The following TEDC2 variants were observed in gnomAD, a reference collection of about 807,000 sequenced individuals.
The protein encoded by TEDC2 is tubulin epsilon and delta complex 2, also known as tubulin epsilon and delta complex protein 2.
TEDC2 carries 49 observed loss-of-function variants against 48.1 expected under a neutral mutation model. The observed-to-expected ratio is 1.02, with a 90% CI of 0.81 to 1.29. The LOEUF is 1.29. TEDC2 is among the 50% of genes most tolerant of loss of function. The pLI is 0.00. For synonymous variants in TEDC2, 299 were observed against 247.1 expected, an observed-to-expected ratio of 1.21 and a Z score of -1.97; for missense variants, 631 against 571.4, an observed-to-expected ratio of 1.10 and a Z score of -1.06.
At chr16:2,462,563 G>A in intron 7 of TEDC2, 37 bp downstream of exon 7, 1 of 1,567,526 alleles carries the variant, frequency 6.4e-7, no homozygotes. Flanking sequence ...GAGGAGTGTG[G>A]AGGGCCAGTG....
At chr16:2,461,408 C>A in intron 4 of TEDC2, 184 bp downstream of exon 4, 5 of 839,456 alleles carry the variant, frequency 6.0e-6, no homozygotes, top group Middle Eastern at 3.7e-4. Flanking sequence ...CAGGTTGGCA[C>A]CATCAGGTCA....
intron 8 of TEDC2, 69 bp from the exon 9 acceptor site, chr16:2,463,970 G>A (rs2065483131): frequency 2.0e-6 from 3 of 1,518,546 alleles, no homozygotes; most frequent in Non-Finnish European, 2.7e-6. Context: ...GGGAGGGCCA[G>A]GCACACAGGA....
Position 2,460,994 on chromosome 16 carries a change from C to A in TEDC2, c.375C>A (p.Ser125=). The A allele has an allele frequency of 6.2e-7, 1 of 1,613,296 alleles. No homozygotes were observed. The highest frequency in any genetic ancestry group is 8.5e-7 in the Non-Finnish European group (1 of 1,179,988). Residue 125 remains serine, a synonymous_variant, in exon 4 of 10, where the codon TCC becomes TCA. Transcript: ENST00000361837. Reference sequence around the variant, plus strand: ...CGACAGCCTCCGCCCCACCGCATTCCCCAGGCCAAGCTGGTGGCCATGCTT... The same window carrying A: ...CGACAGCCTCCGCCCCACCGCATTCACCAGGCCAAGCTGGTGGCCATGCTT... ...SGTTASAPPH[S]PGQAGGHASD...
chr16:2,463,042 C>G (rs1004908342), intron 8 of TEDC2, among the ~76,000 whole-genome samples: 6 of 152,254 alleles, frequency 3.9e-5, no homozygotes, highest in Admixed American at 3.9e-4. Flanking sequence ...CATGTGAGGG[C>G]CGGGCGCGGT....
Position 2,461,663 on chromosome 16 carries a change from C to T in TEDC2, c.606-84C>T. 9 of 1,540,418 alleles carry T rather than the reference C, an allele frequency of 5.8e-6. No homozygotes were observed. In the South Asian group the frequency reaches 7.9e-5, roughly 13 times the overall value. ...GTGGGAGAGGGGCAAGAAGCCTCAT[C>T]CCTGATTGGGCTCTGAGCAGGAAGT... On this transcript the variant is annotated intron_variant, in intron 4 of 9. Transcript: ENST00000361837.
rs1308869369 is a variant in TEDC2, at chr16:2,461,145, G to A, written c.526G>A (p.Gly176Arg). The A allele has an allele frequency of 1.3e-6, 2 of 1,540,380 alleles. No individual in the cohort carries two copies. Among genetic ancestry groups the A allele is most frequent in the African/African-American group, 2.8e-5 (2 of 72,666 alleles). Residue 176 changes from glycine (G) to arginine (R), a missense_variant, in exon 4 of 10, where the codon GGG becomes AGG. By Grantham distance (125) the Gly-to-Arg change is moderately radical. Transcript: ENST00000361837. ...GATGGGAGCCCGAACCCCCAGGCCT[G>A]GGGCGGGCCTCAGGGACCAGCAAAT... ...VGMGARTPRPGAGLRDQQMAP... is the reference protein window; with the variant it reads ...VGMGARTPRPRAGLRDQQMAP...
In TEDC2 at chr16:2,460,806, G is replaced by C; in HGVS notation, c.197-10G>C. 1 of 1,610,574 alleles carries C rather than the reference G, an allele frequency of 6.2e-7. No homozygotes were observed. Among genetic ancestry groups the C allele is most frequent in the Non-Finnish European group, 8.5e-7 (1 of 1,178,270 alleles). The stretch of plus-strand genomic sequence containing the variant: ...GGGAGAGATCCCTGCATAATTCTTG[G>C]CTTTCACAGCATGCACACCCAGTCC... On this transcript the variant is annotated splice_polypyrimidine_tract_variant and intron_variant, in intron 3 of 9. Coordinates refer to ENST00000361837, the MANE Select transcript of TEDC2 (RefSeq NM_025108.3).
chr16:2,460,796 A>G lies in TEDC2; in HGVS notation c.197-20A>G. On this transcript the variant is annotated intron_variant, in intron 3 of 9. Transcript: ENST00000361837. ...GGGGACAGTGGGGAGAGATCCCTGC[A>G]TAATTCTTGGCTTTCACAGCATGCA... 2 of 1,610,698 alleles carry G rather than the reference A, an allele frequency of 1.2e-6. No individual in the cohort carries two copies. The highest frequency in any genetic ancestry group is 8.5e-7 in the Non-Finnish European group (1 of 1,178,396).
Position 2,460,813 on chromosome 16 carries a change from C to A in TEDC2, c.197-3C>A, listed in dbSNP as rs751259646. The A allele has an allele frequency of 6.2e-7, 1 of 1,610,766 alleles. No homozygotes were observed. Among genetic ancestry groups the A allele is most frequent in the Non-Finnish European group, 8.5e-7 (1 of 1,178,332 alleles). ...ATCCCTGCATAATTCTTGGCTTTCA[C>A]AGCATGCACACCCAGTCCACAAGAC... is the stretch of plus-strand genomic sequence containing the variant. On this transcript the variant is annotated splice_polypyrimidine_tract_variant and splice_region_variant and intron_variant, in intron 3 of 9. Transcript: ENST00000361837.
intron 9 of TEDC2, 86 bp downstream of exon 9, chr16:2,464,315 A>G (rs1371022932): frequency 2.0e-6 from 3 of 1,483,778 alleles, no homozygotes; most frequent in Non-Finnish European, 1.8e-6. Context: ...TCCACCCCCC[A>G]GGACCCAGGA....
chr16:2,460,153 G>A lies in TEDC2; in HGVS notation c.9G>A (p.Pro3=), dbSNP rs186033526. 3.0e-6 allele frequency: 4 copies of A among 1,350,186 alleles called. No individual in the cohort carries two copies. The highest frequency in any genetic ancestry group is 1.9e-5 in the South Asian group (1 of 53,798). 83.6% of individuals were successfully genotyped at this position (1,350,186 alleles called of 1,614,324 possible). Residue 3 remains proline, a synonymous_variant, in exon 1 of 10, where the codon CCG becomes CCA. Transcript: ENST00000361837. ML[P]AGCSRRLVAE... Reference sequence around the variant, plus strand: ...GAGACGCCGCCGCCTTCATGCTGCCGGCGGGCTGCTCGCGCCGGTGAGGCC... The same window carrying A: ...GAGACGCCGCCGCCTTCATGCTGCCAGCGGGCTGCTCGCGCCGGTGAGGCC...
In TEDC2 at chr16:2,464,115, G is replaced by A. The variant is rs375357120; in HGVS notation, c.1041G>A (p.Ala347=). The change falls in exon 9 of 10, where the codon GCG becomes GCA. Residue 347 remains alanine, a synonymous_variant. Transcript: ENST00000361837. ...PGASPSCGGR[A]EPAWSPQLLV... ...CCTCGCCGTCCTGTGGGGGTAGAGC[G>A]GAGCCTGCATGGAGCCCCCAGCTGC... 8.7e-6 allele frequency: 14 copies of A among 1,612,680 alleles called. No individual in the cohort carries two copies. The highest frequency in any genetic ancestry group is 3.3e-5 in the Admixed American group (2 of 59,974).
At chr16:2,460,210 C>A in intron 1 of TEDC2, 40 bp downstream of exon 1, 1 of 1,425,034 alleles carries the variant, frequency 7.0e-7, no homozygotes, top group Non-Finnish European at 9.1e-7. Context: ...AGGATGCGGG[C>A]GGGCCGGTAG....
Position 2,464,510 on chromosome 16 carries a change from C to G in TEDC2, c.1156-12C>G, listed in dbSNP as rs577801402. ...CCCCTGAGACCTTGGCCCTGCCCTGCCCTGCCCCCAGGTCCTGATGGCTGA... is the reference window on the plus strand; with the variant it reads ...CCCCTGAGACCTTGGCCCTGCCCTGGCCTGCCCCCAGGTCCTGATGGCTGA... On this transcript the variant is annotated splice_polypyrimidine_tract_variant and intron_variant, in intron 9 of 9. Transcript: ENST00000361837. 1.9e-6 allele frequency: 3 copies of G among 1,554,338 alleles called. No homozygotes were observed. In the African/African-American group the frequency reaches 4.1e-5, roughly 21 times the overall value.
chr16:2,461,093 G>A lies in TEDC2; in HGVS notation c.474G>A (p.Leu158=). 6.3e-7 allele frequency: 1 copy of A among 1,591,744 alleles called. No individual in the cohort carries two copies. The highest frequency in any genetic ancestry group is 8.6e-7 in the Non-Finnish European group (1 of 1,166,300). ...AGGGCCACCCTGAGCGCCGGCTGCT[G>A]TCAGTGGGGGATGGGACCCGTGTTG... ...PAKGHPERRL[L]SVGDGTRVGM... Residue 158 remains leucine (L), a synonymous_variant, in exon 4 of 10, where the codon CTG becomes CTA. Coordinates refer to ENST00000361837, the MANE Select transcript of TEDC2 (RefSeq NM_025108.3).
Position 2,460,702 on chromosome 16 carries a change from C to G in TEDC2, c.196+9C>G. The G allele has an allele frequency of 6.2e-7, 1 of 1,613,012 alleles. No individual in the cohort carries two copies. Among genetic ancestry groups the G allele is most frequent in the Middle Eastern group, 1.7e-4 (1 of 6,060 alleles). ...AGAGGACCCCCTTCCAGGTAAACCT[C>G]CACCACCCGCCTTCTCCAGGTGCTG... is the stretch of plus-strand genomic sequence containing the variant. On this transcript the variant is annotated intron_variant, in intron 3 of 9. Coordinates refer to ENST00000361837, the MANE Select transcript of TEDC2 (RefSeq NM_025108.3).
In TEDC2 at chr16:2,460,970, G is replaced by T. The variant is rs1028306175; in HGVS notation, c.351G>T (p.Thr117=). ...KSRSIVTSSG[T]TASAPPHSPG... ...GGTCCATTGTCACCTCTTCTGGCAC[G>T]ACAGCCTCCGCCCCACCGCATTCCC... The change falls in exon 4 of 10, where the codon ACG becomes ACT. Residue 117 remains threonine (T), a synonymous_variant. Transcript: ENST00000361837. 1.2e-6 allele frequency: 2 copies of T among 1,613,238 alleles called. No homozygotes were observed. Among genetic ancestry groups the T allele is most frequent in the Non-Finnish European group, 1.7e-6 (2 of 1,179,998 alleles).
chr16:2,464,701 T>C lies in TEDC2; in HGVS notation c.*33T>C. ...CCATGCTGCCCTCGGCCTGTTCAGA[T>C]GGGGATTGGGGGTGTCTTCCCTGGC... On this transcript the variant is annotated 3_prime_UTR_variant, in exon 10 of 10. Coordinates refer to ENST00000361837, the MANE Select transcript of TEDC2 (RefSeq NM_025108.3). The C allele has an allele frequency of 6.2e-7, 1 of 1,611,256 alleles. No individual in the cohort carries two copies.
chr16:2,464,553 GCGCTGCACAGC>G lies in TEDC2; in HGVS notation c.1191_1201del (p.Ala398GlyfsTer29), dbSNP rs2065488411. ...ATGGCTGAACTCCTCCCCCTGGTAA[GCGCTGCACAGC>G]CGCAGGGGCCGCCCTGGCTGGCCCT... On this transcript the variant is annotated frameshift_variant, in exon 10 of 10. Transcript: ENST00000361837. LOFTEE classifies it low-confidence loss of function (END_TRUNC). 3 of 1,596,362 alleles carry G rather than the reference GCGCTGCACAGC, an allele frequency of 1.9e-6. No individual in the cohort carries two copies. Among genetic ancestry groups the G allele is most frequent in the Non-Finnish European group, 2.6e-6 (3 of 1,176,366 alleles).
Sources: gnomAD v4.1 joint callset for allele counts (sites outside exome capture counted in the v4.1 genomes callset) on GRCh38, gnomAD v4.1.1 for gene constraint, MANE v1.5 for transcripts, NCBI Gene and HGNC (gene_info 2026-07-23, HGNC 2026-07-21) for gene names.